SAMD4B: variants seen among roughly 807,000 people sequenced by gnomAD.
The protein encoded by SAMD4B is protein Smaug homolog 2.
A neutral mutation model predicts 74.5 loss-of-function variants in SAMD4B; 5 were observed. The ratio of observed to expected loss-of-function variants is 0.07; its 90% confidence interval spans 0.04 to 0.14. The LOEUF is 0.14. SAMD4B is among the 10% of genes least tolerant of loss of function. The probability of loss-of-function intolerance (pLI) is 1.00; values close to 1 mark genes in which losing one functional copy is unlikely to be tolerated. For synonymous variants in SAMD4B, 373 were observed against 374.9 expected (o/e 1.00, Z 0.06); for missense variants, 608 against 921.8 (o/e 0.66, Z 4.41).
In SAMD4B at chr19:39,375,915, A is replaced by T; in HGVS notation, c.907+26A>T. ...GTACATTGGGGACAGCAGCACCAGG[A>T]CCCTTTTCCAGGGGCTTCTGCAGAG... is the stretch of plus-strand genomic sequence containing the variant. On this transcript the variant is annotated intron_variant, in intron 5 of 13. Transcript: ENST00000610417. This position sits in a 1 kb window ranked among gnomAD's most constrained non-coding sequence, Gnocchi z 4.1. 6.3e-7 allele frequency: 1 copy of T among 1,592,622 alleles called. No individual in the cohort carries two copies. Among genetic ancestry groups the T allele is most frequent in the South Asian group, 1.1e-5 (1 of 90,798 alleles).
intron 1 of SAMD4B, chr19:39,349,903 A>G (rs2075928455): frequency 6.6e-6 from 1 of 152,210 alleles, no homozygotes; most frequent in Non-Finnish European, 1.5e-5. Context: ...CACCATGCCC[A>G]GCTTTCTTGC....
At chr19:39,372,841 G>A (rs2077387749) in intron 4 of SAMD4B, among the ~76,000 whole-genome samples, 2 of 152,132 alleles carry the variant, frequency 1.3e-5, no homozygotes, top group African/African-American at 4.8e-5. Flanking sequence ...GTCCCCCAGG[G>A]CCCAGAGTGT....
intron 7 of SAMD4B, among the ~76,000 whole-genome samples, 156 bp downstream of exon 7, chr19:39,376,947 T>C (rs2077634738): frequency 2.0e-5 from 3 of 152,186 alleles, no homozygotes; most frequent in Non-Finnish European, 4.4e-5. Context: ...CAAGCCGGCA[T>C]CAAAAGGCTC....
downstream of SAMD4B, chr19:39,389,674 G>C: frequency 6.2e-7 from 1 of 1,614,198 alleles, no homozygotes; most frequent in Non-Finnish European, 8.5e-7. The surrounding 1 kb of genome is among the most constrained non-coding windows in gnomAD (Gnocchi z 5.3). Flanking sequence ...CAGGATTGAT[G>C]AGATCGATGG....
intron 4 of SAMD4B, among the ~76,000 whole-genome samples, chr19:39,371,688 A>G (rs1175146811): frequency 6.6e-6 from 1 of 151,998 alleles, no homozygotes; most frequent in Non-Finnish European, 1.5e-5. Context: ...ATGGTGGTGC[A>G]TGCCTATAAT....
At chr19:39,350,134 AATGT>A (rs1468602111) in intron 1 of SAMD4B, 2 of 152,250 alleles carry the variant, frequency 1.3e-5, no homozygotes, top group Non-Finnish European at 2.9e-5. Context: ...AGGGCCTGAC[AATGT>A]ATGATGTATG....
chr19:39,343,066 G>C (rs914331964), intron 1 of SAMD4B, among the ~76,000 whole-genome samples: 1 of 151,578 alleles, frequency 6.6e-6, no homozygotes, highest in Non-Finnish European at 1.5e-5. Flanking sequence ...AGTCCTCGGA[G>C]GCCACTCCTC....
chr19:39,384,137 AT>A lies in SAMD4B; in HGVS notation c.*612del, dbSNP rs1364940639. On this transcript the variant is annotated 3_prime_UTR_variant, in exon 14 of 14. Coordinates refer to ENST00000610417, the MANE Select transcript of SAMD4B (RefSeq NM_001384574.2). ...CCCTGTTCACCAGAGGTTCTCTATG[AT>A]TAATTTCTTAGGCCTATTTAAGATA... 5 of 215,394 alleles carry A rather than the reference AT, an allele frequency of 2.3e-5. No homozygotes were observed. The East Asian group carries it at 4.9e-4, about 21-fold the overall frequency. The allele number at this position is 215,394 out of a possible 1,614,324, so 13.3% of individuals were successfully genotyped here. A position where few individuals can be genotyped will look rare whatever the true frequency, so the allele number is the denominator to read the frequency against.
Position 39,356,998 on chromosome 19 carries a change from T to C in SAMD4B, c.105T>C (p.Arg35=). 1.2e-6 allele frequency: 2 copies of C among 1,614,020 alleles called. No homozygotes were observed. Among genetic ancestry groups the C allele is most frequent in the South Asian group, 2.2e-5 (2 of 91,054 alleles). The change falls in exon 3 of 14, where the codon CGT becomes CGC. Residue 35 remains arginine (R), a synonymous_variant. Coordinates refer to ENST00000610417, the MANE Select transcript of SAMD4B (RefSeq NM_001384574.2). The stretch of plus-strand genomic sequence containing the variant: ...TGTCACTTCTGAAACGGGTCACCCG[T>C]ACCCAGGCCCGCTTCCTGCAGCTCT... ...ALLSLLKRVT[R]TQARFLQLCL... is the part of the protein sequence containing the mutation.
Position 39,383,984 on chromosome 19 carries a change from T to A in SAMD4B, c.*457T>A. 2.1e-6 allele frequency: 1 copy of A among 473,072 alleles called. No homozygotes were observed. Among genetic ancestry groups the A allele is most frequent in the Non-Finnish European group, 3.8e-6 (1 of 265,634 alleles). 29.3% of individuals were successfully genotyped at this position (473,072 alleles called of 1,614,324 possible). The stretch of plus-strand genomic sequence containing the variant: ...GAGAACCTGCCCTCCAGAATGTTAT[T>A]GAGAGGAGCTGGGGAGAAGGAAGGG... On this transcript the variant is annotated 3_prime_UTR_variant, in exon 14 of 14. Coordinates refer to ENST00000610417, the MANE Select transcript of SAMD4B (RefSeq NM_001384574.2). The surrounding 1 kb of genome is among the most constrained non-coding windows in gnomAD (Gnocchi z 4.1).
At chr19:39,345,769 C>G (rs543314331) in intron 1 of SAMD4B, among the ~76,000 whole-genome samples, 1 of 152,208 alleles carries the variant, frequency 6.6e-6, no homozygotes, top group Non-Finnish European at 1.5e-5. Context: ...GAATAAGCAG[C>G]TCTTCCTTCT....
intron 3 of SAMD4B, among the ~76,000 whole-genome samples, chr19:39,367,173 T>C (rs1290736905): frequency 1.3e-5 from 2 of 152,228 alleles, no homozygotes; most frequent in Non-Finnish European, 2.9e-5. Flanking sequence ...AAGGGACATA[T>C]GCCACATCTC....
rs1488990907 is a variant in SAMD4B, at chr19:39,358,768, A to G, written c.196+1679A>G. Reference sequence around the variant, plus strand: ...GTCAATAACTCACTTAGTCCTCACAACAACCCCATGAGGTAGGTCCTGTCA... The same window carrying G: ...GTCAATAACTCACTTAGTCCTCACAGCAACCCCATGAGGTAGGTCCTGTCA... On this transcript the variant is annotated intron_variant, in intron 3 of 13. Transcript: ENST00000610417. Among the ~76,000 whole-genome samples, 3 of 152,326 alleles carry G rather than the reference A, an allele frequency of 2.0e-5. No homozygotes were observed. In the East Asian group the frequency reaches 5.8e-4, roughly 29 times the overall value.
chr19:39,390,266 G>C (rs2078348645), downstream of SAMD4B: 9 of 1,613,506 alleles, frequency 5.6e-6, no homozygotes, highest in Non-Finnish European at 6.8e-6. Flanking sequence ...TCACCTCTCA[G>C]GCAGAGTCCG....
chr19:39,371,031 C>T (rs1007444000), intron 4 of SAMD4B, among the ~76,000 whole-genome samples: 3 of 152,190 alleles, frequency 2.0e-5, no homozygotes, highest in African/African-American at 7.2e-5. Flanking sequence ...GCCCTGCAGG[C>T]GGGAGTGAGC....
In SAMD4B at chr19:39,357,044, G is replaced by A. The variant is rs1390130897; in HGVS notation, c.151G>A (p.Asp51Asn). The A allele has an allele frequency of 6.2e-7, 1 of 1,613,552 alleles. No homozygotes were observed. The highest frequency in any genetic ancestry group is 8.5e-7 in the Non-Finnish European group (1 of 1,179,542). The stretch of plus-strand genomic sequence containing the variant: ...GCTCTGCCTGGAGCACTCACTGGCG[G>A]ACTGCAATGACATCCACCTGCTGGA... Reference protein sequence around the residue: ...LQLCLEHSLADCNDIHLLESE... With the variant: ...LQLCLEHSLANCNDIHLLESE... Residue 51 changes from aspartate to asparagine, a missense_variant, in exon 3 of 14, where the codon GAC becomes AAC. By Grantham distance (23) the Asp-to-Asn change is conservative (BLOSUM62 1). This residue lies in a region of SAMD4B where 74 missense variants were observed against 182.0 expected (regional missense o/e 0.41). Transcript: ENST00000610417.
chr19:39,349,008 A>G (rs547171430), intron 1 of SAMD4B, among the ~76,000 whole-genome samples: 2 of 152,364 alleles, frequency 1.3e-5, no homozygotes, highest in African/African-American at 4.8e-5. Flanking sequence ...CCCACATTAC[A>G]GATGACAAAA....
chr19:39,347,443 T>C (rs2075768781), intron 1 of SAMD4B, among the ~76,000 whole-genome samples: 1 of 152,218 alleles, frequency 6.6e-6, no homozygotes, highest in South Asian at 2.1e-4. Context: ...TCCGATGAAC[T>C]TTCTGAGCAG....
At chr19:39,371,628 C>G (rs1187851040) in intron 4 of SAMD4B, among the ~76,000 whole-genome samples, 1 of 152,048 alleles carries the variant, frequency 6.6e-6, no homozygotes, top group East Asian at 1.9e-4. Flanking sequence ...ACCAGCCTGA[C>G]CAACATGGTG....
Sources: allele counts gnomAD v4.1 joint callset (sites outside exome capture counted in the v4.1 genomes callset), GRCh38; gene constraint gnomAD v4.1.1; regional missense constraint gnomAD v4.1.1; non-coding constraint Gnocchi (gnomAD v3.1); transcripts MANE v1.5; gene names NCBI Gene and HGNC (gene_info 2026-07-23, HGNC 2026-07-21).